Variants in CENPM observed in about 807,000 individuals in gnomAD.
The protein encoded by CENPM is interphase centromere complex protein 39.
Under a neutral mutation model 19.6 loss-of-function variants are expected in CENPM, and 14 were observed. That is an observed-to-expected ratio of 0.71 (90% CI 0.47 to 1.11). The LOEUF (loss-of-function observed/expected upper bound fraction) is 1.11, where lower values mean the gene tolerates loss of function less well. Ranked by LOEUF, CENPM falls within the 50% of genes most tolerant of loss-of-function variation. CENPM has a pLI of 0.00. For synonymous variants in CENPM, 114 were observed against 101.5 expected (o/e 1.12, Z -0.74); for missense variants, 239 against 228.4 (o/e 1.05, Z -0.30).
rs1018199821 is a variant in CENPM at position 41,944,198 on chromosome 22, C to T, written c.311-497G>A. On this transcript the variant is annotated intron_variant, in intron 4 of 5. Coordinates refer to ENST00000215980, the MANE Select transcript of CENPM (RefSeq NM_024053.5). Reference sequence around the variant, plus strand: ...GTGGCTCAGGCCTGTAATCCCAGCACTATCTGAGGCAGGCGGATACCTGAG... The same window carrying T: ...GTGGCTCAGGCCTGTAATCCCAGCATTATCTGAGGCAGGCGGATACCTGAG... 26 of 943,486 alleles carry T rather than the reference C, an allele frequency of 2.8e-5. No homozygotes were observed. In the African/African-American group the frequency reaches 4.4e-4, roughly 16 times the overall value. The allele number at this position is 943,486 out of a possible 1,614,324, so 58.4% of individuals were successfully genotyped here. A position where few individuals can be genotyped will look rare whatever the true frequency, so the allele number is the denominator to read the frequency against.
chr22:41,947,064 T>C lies in CENPM; in HGVS notation c.13A>G (p.Arg5Gly). The C allele has an allele frequency of 6.2e-7, 1 of 1,612,848 alleles. No individual in the cohort carries two copies. The highest frequency in any genetic ancestry group is 8.5e-7 in the Non-Finnish European group (1 of 1,179,894). Residue 5 changes from arginine (R) to glycine (G), a missense_variant, in exon 1 of 6, where the codon AGG (arginine) becomes GGG (glycine). Arg to Gly is a moderately radical substitution (Grantham distance 125, BLOSUM62 -2). Transcript: ENST00000215980. ...AGGCCGGGCAGCTTGTCCAGGGGCC[T>C]CAACACCGACATCACAGCCGCAGGA... MSVL[R>G]PLDKLPGLNT... is the part of the protein sequence containing the mutation.
chr22:41,940,926 C>T (rs1411125728), intron 5 of CENPM, among the ~76,000 whole-genome samples: 1 of 152,166 alleles, frequency 6.6e-6, no homozygotes, highest in Non-Finnish European at 1.5e-5. Context: ...GAGACGTGAC[C>T]CAAATGCCCA....
chr22:41,933,925 C>G (rs1245241496), downstream of CENPM, among the ~76,000 whole-genome samples: 1 of 152,216 alleles, frequency 6.6e-6, no homozygotes, highest in Non-Finnish European at 1.5e-5. Context: ...TACCGAGCCA[C>G]TGTCTGTAGA....
downstream of CENPM, among the ~76,000 whole-genome samples, chr22:41,935,801 C>T (rs1245744924): frequency 1.3e-5 from 2 of 152,110 alleles, no homozygotes; most frequent in Non-Finnish European, 2.9e-5. Context: ...CAGACTGCTG[C>T]TTTCTGGAGC....
the CENPM span, among the ~76,000 whole-genome samples, chr22:41,930,163 G>T: frequency 6.7e-6 from 1 of 149,946 alleles, no homozygotes; most frequent in Non-Finnish European, 1.5e-5. Flanking sequence ...GGATGGTCTT[G>T]ATCTCCTCAC....
chr22:41,944,050 T>C, intron 4 of CENPM: 5 of 957,588 alleles, frequency 5.2e-6, no homozygotes, highest in Non-Finnish European at 6.2e-6. Context: ...GTCAGACACC[T>C]CATGCATGCC....
downstream of CENPM, among the ~76,000 whole-genome samples, chr22:41,936,469 T>C (rs1366609665): frequency 6.6e-6 from 1 of 152,316 alleles, no homozygotes; most frequent in East Asian, 1.9e-4. Flanking sequence ...GCCAGGTGTC[T>C]ACAAACCCTT....
chr22:41,945,537 G>T, intron 3 of CENPM: 1 of 795,104 alleles, frequency 1.3e-6, no homozygotes, highest in Non-Finnish European at 1.9e-6. Flanking sequence ...TGCAACCTCT[G>T]CCTCCTGGGT....
chr22:41,929,324 T>G, the CENPM span, among the ~76,000 whole-genome samples: 1 of 152,156 alleles, frequency 6.6e-6, no homozygotes, highest in Non-Finnish European at 1.5e-5. Flanking sequence ...GAGGCCTGAC[T>G]GAGTACCAGG....
chr22:41,941,198 G>A (rs1462155265), intron 5 of CENPM, among the ~76,000 whole-genome samples: 2 of 152,176 alleles, frequency 1.3e-5, no homozygotes, highest in African/African-American at 4.8e-5. Context: ...TCAATGGAAC[G>A]GGGCCGGTAA....
At chr22:41,946,893 C>G in intron 1 of CENPM, 127 bp downstream of exon 1, 2 of 923,624 alleles carry the variant, frequency 2.2e-6, no homozygotes, top group Non-Finnish European at 3.5e-6. Flanking sequence ...TGGCTCTCCG[C>G]CTATTCCCCG....
At chr22:41,939,882 G>GAAAGAAAGAA (rs2077720334) in intron 5 of CENPM, among the ~76,000 whole-genome samples, 5 of 116,418 alleles carry the variant, frequency 4.3e-5, no homozygotes, top group Admixed American at 1.6e-4. Flanking sequence ...GAAAGAAAAA[G>GAAAGAAAGAA]AAAGAAAGAA....
the CENPM span, among the ~76,000 whole-genome samples, chr22:41,928,559 G>C: frequency 6.6e-6 from 1 of 152,184 alleles, no homozygotes; most frequent in Non-Finnish European, 1.5e-5. The surrounding 1 kb of genome is among the most constrained non-coding windows in gnomAD (Gnocchi z 4.0). Context: ...AGGGAGCCTG[G>C]GGGCAGAGGG....
Position 41,938,873 on chromosome 22 carries a change from G to A in CENPM, c.*183C>T. The A allele has an allele frequency of 1.5e-6, 1 of 664,002 alleles. No individual in the cohort carries two copies. The highest frequency in any genetic ancestry group is 2.8e-5 in the East Asian group (1 of 35,602). 41.1% of individuals were successfully genotyped at this position (664,002 alleles called of 1,614,324 possible). On this transcript the variant is annotated 3_prime_UTR_variant, in exon 6 of 6. Coordinates refer to ENST00000215980, the MANE Select transcript of CENPM (RefSeq NM_024053.5). ...GTGGGAGGGGGCTACAGTCTCGCCA[G>A]CTGGGCCCCCTCGCTGCTTCTGCCC...
chr22:41,935,486 C>T (rs1276787656), downstream of CENPM, among the ~76,000 whole-genome samples: 1 of 152,174 alleles, frequency 6.6e-6, no homozygotes, highest in East Asian at 1.9e-4. Flanking sequence ...GACAAGGTCA[C>T]TCTCTGGGAA....
downstream of CENPM, among the ~76,000 whole-genome samples, chr22:41,935,508 C>T (rs564059770): frequency 1.5e-3 from 221 of 152,302 alleles, no homozygotes; most frequent in African/African-American, 5.1e-3. Context: ...GCTGGCCTTC[C>T]GGGCTCTGCT....
At chr22:41,936,090 G>A (rs2146597182), downstream of CENPM, among the ~76,000 whole-genome samples, 1 of 152,228 alleles carries the variant, frequency 6.6e-6, no homozygotes, top group South Asian at 2.1e-4. Context: ...GGCTGGTCTC[G>A]AACTCCTGAC....
At chr22:41,946,060 CG>C in intron 2 of CENPM, 55 bp from the exon 3 acceptor site, 1 of 1,421,924 alleles carries the variant, frequency 7.0e-7, no homozygotes, top group Non-Finnish European at 9.8e-7. Context: ...TCATAGCGAC[CG>C]TTTAAATGCT....
At chr22:41,940,291 A>G in intron 5 of CENPM, 1 of 641,422 alleles carries the variant, frequency 1.6e-6, no homozygotes, top group South Asian at 1.8e-5. Context: ...ACCCTGCCTA[A>G]CTCTTGCCTG....
Sources: gnomAD v4.1 joint callset for allele counts (sites outside exome capture counted in the v4.1 genomes callset) on GRCh38, gnomAD v4.1.1 for gene constraint, Gnocchi (gnomAD v3.1) non-coding constraint, MANE v1.5 for transcripts, NCBI Gene and HGNC (gene_info 2026-07-23, HGNC 2026-07-21) for gene names.